Variants in RIPK1 observed in about 807,000 individuals in gnomAD.
The protein encoded by RIPK1 is receptor-interacting serine/threonine-protein kinase 1.
In RIPK1, 27 loss-of-function variants were observed where a neutral mutation model predicts 62.4. The observed-to-expected ratio is 0.43, with a 90% CI of 0.32 to 0.60. RIPK1 has a LOEUF of 0.60. Among genes scored for constraint, RIPK1 ranks in the 20% least tolerant of loss-of-function variants. The pLI, the probability that RIPK1 is intolerant of heterozygous loss-of-function variation, is 0.07. For synonymous variants in RIPK1, 287 were observed against 303.2 expected, an observed-to-expected ratio of 0.95 and a Z score of 0.55; for missense variants, 735 against 831.0, an observed-to-expected ratio of 0.88 and a Z score of 1.42.
chr6:3,110,999 T>G, intron 10 of RIPK1, 44 bp downstream of exon 10: 1 of 1,448,282 alleles, frequency 6.9e-7, no homozygotes, highest in African/African-American at 1.4e-5. Context: ...ACCTTGAACT[T>G]TCTTACTTGT....
At chr6:3,077,059 G>T in intron 2 of RIPK1, 72 bp downstream of exon 2, 1 of 1,439,946 alleles carries the variant, frequency 6.9e-7, no homozygotes, top group Non-Finnish European at 9.4e-7. Context: ...TGGAGCCGTT[G>T]GCTGCTGCGG....
Position 3,071,504 on chromosome 6 carries a change from T to A in RIPK1, c.-61+2843T>A, listed in dbSNP as rs369410088. On this transcript the variant is annotated intron_variant, in intron 1 of 10. Transcript: ENST00000259808. ...AGCATGTCTTTGTCACTCTGTGTCA[T>A]GGCTTTGTAATAATATGGTTATGCA... Among the ~76,000 whole-genome samples, 23 of 152,346 alleles carry A rather than the reference T, an allele frequency of 1.5e-4. No homozygotes were observed. The East Asian group carries it at 2.9e-3, about 19-fold the overall frequency.
chr6:3,073,296 G>T (rs969514659), intron 1 of RIPK1, among the ~76,000 whole-genome samples: 1 of 150,456 alleles, frequency 6.6e-6, no homozygotes, highest in Non-Finnish European at 1.5e-5. Context: ...ATATTTATAC[G>T]TATACATACA....
intron 7 of RIPK1, among the ~76,000 whole-genome samples, chr6:3,098,411 A>G (rs1480119974): frequency 6.6e-6 from 1 of 152,202 alleles, no homozygotes; most frequent in African/African-American, 2.4e-5. Context: ...GCAAATTAAA[A>G]CCACAATAAG....
chr6:3,094,085 ACCTCCTGCACCTAGTAACTGCAGAGTACC>A (rs1760139357), intron 7 of RIPK1, among the ~76,000 whole-genome samples: 1 of 140,478 alleles, frequency 7.1e-6, no homozygotes, highest in African/African-American at 3.1e-5. Context: ...CAGCGCGCCT[ACCTCCTGCACCTAGTAACTGCAGAGTACC>A]TACCTGCCGC....
At chr6:3,112,377 T>A (rs954562202) in intron 10 of RIPK1, among the ~76,000 whole-genome samples, 1 of 152,072 alleles carries the variant, frequency 6.6e-6, no homozygotes, top group Admixed American at 6.6e-5. Context: ...AAAATGGTGG[T>A]TTTCCCTTTA....
chr6:3,071,061 C>T (rs146026524), intron 1 of RIPK1, among the ~76,000 whole-genome samples: 225 of 152,326 alleles, frequency 1.5e-3, no homozygotes, highest in Middle Eastern at 0.014. Flanking sequence ...ATTCTTGTCT[C>T]TTGCTGGTCC....
chr6:3,077,911 C>A lies in RIPK1; in HGVS notation c.297C>A (p.Asn99Lys), dbSNP rs1759169955. The A allele has an allele frequency of 6.2e-7, 1 of 1,614,014 alleles. No homozygotes were observed. Among genetic ancestry groups the A allele is most frequent in the Non-Finnish European group, 8.5e-7 (1 of 1,180,034 alleles). The change falls in exon 3 of 11, where the codon AAC becomes AAA. Residue 99 changes from asparagine (N) to lysine (K), a missense_variant. By Grantham distance (94) the Asn-to-Lys change is moderately conservative. Around this residue, in one of 2 missense-constraint regions of RIPK1, gnomAD observed 671 missense variants for 726.2 expected, o/e 0.92. Coordinates refer to ENST00000259808, the MANE Select transcript of RIPK1 (RefSeq NM_001354930.2). ...TGATGGAGTACATGGAGAAGGGCAA[C>A]CTGATGCACGTGCTGAAAGCCGAGG... ...SLVMEYMEKG[N>K]LMHVLKAEMS...
intron 1 of RIPK1, among the ~76,000 whole-genome samples, chr6:3,070,524 G>A (rs954120402): frequency 5.9e-5 from 9 of 152,168 alleles, no homozygotes; most frequent in African/African-American, 1.9e-4. Context: ...TGTAACCTTC[G>A]CCTCCCGGGT....
chr6:3,112,991 A>C, intron 10 of RIPK1, 62 bp from the exon 11 acceptor site: 1 of 1,407,128 alleles, frequency 7.1e-7, no homozygotes, highest in Non-Finnish European at 9.5e-7. Context: ...TTAGCAATTC[A>C]GGAAGCTGGA....
rs964652711 is a variant in RIPK1 at position 3,072,797 on chromosome 6, G to A, written c.-60-3967G>A. Among the ~76,000 whole-genome samples the A allele has an allele frequency of 2.6e-5, 4 of 152,190 alleles. No homozygotes were observed. The highest frequency in any genetic ancestry group is 5.9e-5 in the Non-Finnish European group (4 of 68,044). ...TGGAAGAATATGGCCTAAGAGGGTGGGGCGGATGACCCTTATGGAATGGGG... is the reference window on the plus strand; with the variant it reads ...TGGAAGAATATGGCCTAAGAGGGTGAGGCGGATGACCCTTATGGAATGGGG... On this transcript the variant is annotated intron_variant, in intron 1 of 10. Coordinates refer to ENST00000259808, the MANE Select transcript of RIPK1 (RefSeq NM_001354930.2). This position sits in a 1 kb window ranked among gnomAD's most constrained non-coding sequence, Gnocchi z 5.6.
intron 1 of RIPK1, among the ~76,000 whole-genome samples, chr6:3,074,801 C>A (rs141320659): frequency 0.054 from 8,267 of 152,246 alleles, 307 homozygotes; most frequent in Admixed American, 0.1. Flanking sequence ...CCTGCCTCAG[C>A]CTCCTGAGTA....
intron 5 of RIPK1, among the ~76,000 whole-genome samples, 198 bp from the exon 6 acceptor site, chr6:3,085,061 G>T (rs1451141681): frequency 1.3e-5 from 2 of 152,144 alleles, no homozygotes; most frequent in African/African-American, 4.8e-5. Context: ...CGAGAATTTT[G>T]TTTTATCTGC....
In RIPK1 at chr6:3,106,124, A is replaced by G. The variant is rs189341775; in HGVS notation, c.1576+73A>G. The G allele has an allele frequency of 5.0e-5, 58 of 1,158,528 alleles. No homozygotes were observed. The East Asian group carries it at 7.3e-4, about 15-fold the overall frequency. 71.8% of individuals were successfully genotyped at this position (1,158,528 alleles called of 1,614,324 possible). ...GAAAATACAGCAACCAAGCAGCTCT[A>G]TTATAGATTGTGGGTTATAATGGGG... On this transcript the variant is annotated intron_variant, in intron 9 of 10. Coordinates refer to ENST00000259808, the MANE Select transcript of RIPK1 (RefSeq NM_001354930.2).
At chr6:3,109,344 G>T (rs920816097) in intron 9 of RIPK1, among the ~76,000 whole-genome samples, 3 of 152,132 alleles carry the variant, frequency 2.0e-5, no homozygotes, top group Admixed American at 2.0e-4. Context: ...TCCAGGCAGA[G>T]GCAGGAGCAT....
rs1292781864 is a variant in RIPK1, at chr6:3,083,147, T to G, written c.522T>G (p.Asn174Lys). The G allele has an allele frequency of 6.2e-7, 1 of 1,613,868 alleles. No individual in the cohort carries two copies. Among genetic ancestry groups the G allele is most frequent in the Admixed American group, 1.7e-5 (1 of 59,996 alleles). Residue 174 changes from asparagine to lysine, a missense_variant, in exon 5 of 11, where the codon AAT becomes AAG. Asn to Lys is a moderately conservative substitution (Grantham distance 94). This residue lies in a region of RIPK1 where 671 missense variants were observed against 726.2 expected (regional missense o/e 0.92). Coordinates refer to ENST00000259808, the MANE Select transcript of RIPK1 (RefSeq NM_001354930.2). ...MWSKLNNEEH[N>K]ELREVDGTAK... ...GCAAACTGAATAATGAAGAGCACAA[T>G]GAGCTGAGGGAAGTGGACGGCACCG... is the stretch of plus-strand genomic sequence containing the variant.
chr6:3,077,747 C>T, intron 2 of RIPK1, 32 bp from the exon 3 acceptor site: 1 of 1,610,482 alleles, frequency 6.2e-7, no homozygotes, highest in Non-Finnish European at 8.5e-7. Context: ...CTGGCTCTGC[C>T]AGCCTCAGCA....
upstream of RIPK1, among the ~76,000 whole-genome samples, chr6:3,065,566 A>G (rs866213066): frequency 5.9e-5 from 9 of 151,772 alleles, no homozygotes; most frequent in South Asian, 1.9e-3. Flanking sequence ...GAAAGGAGTC[A>G]GGGAGGTCTC....
intron 7 of RIPK1, among the ~76,000 whole-genome samples, chr6:3,101,883 T>G (rs1760604736): frequency 6.6e-6 from 1 of 152,160 alleles, no homozygotes; most frequent in African/African-American, 2.4e-5. Context: ...ATTACCACTA[T>G]CTATATCTAG....
Sources: gnomAD v4.1 joint callset for allele counts (sites outside exome capture counted in the v4.1 genomes callset) on GRCh38, gnomAD v4.1.1 for gene constraint, gnomAD v4.1.1 regional missense constraint, Gnocchi (gnomAD v3.1) non-coding constraint, MANE v1.5 for transcripts, NCBI Gene and HGNC (gene_info 2026-07-23, HGNC 2026-07-21) for gene names.